Variants in NKAIN2 observed in about 807,000 individuals in gnomAD.
The protein encoded by NKAIN2 is sodium/potassium transporting ATPase interacting 2, also known as sodium/potassium-transporting ATPase subunit beta-1-interacting protein 2.
NKAIN2 carries 14 observed loss-of-function variants against 32.6 expected under a neutral mutation model. The ratio of observed to expected loss-of-function variants is 0.43; its 90% CI spans 0.28 to 0.67. NKAIN2 has a LOEUF of 0.67. NKAIN2 is among the 30% of genes least tolerant of loss of function. The pLI, the probability that NKAIN2 is intolerant of heterozygous loss-of-function variation, is 0.17. For synonymous variants in NKAIN2, 80 were observed against 87.2 expected, an observed-to-expected ratio of 0.92 and a Z score of 0.46; for missense variants, 198 against 258.3, an observed-to-expected ratio of 0.77 and a Z score of 1.60.
chr6:124,544,344 C>T (rs1371977467), intron 3 of NKAIN2, among the ~76,000 whole-genome samples: 2 of 132,128 alleles, frequency 1.5e-5, no homozygotes, highest in Non-Finnish European at 3.4e-5. Context: ...ACCACAGAAG[C>T]CTCAGAACTC....
chr6:124,321,042 C>T (rs1390889086), intron 2 of NKAIN2, among the ~76,000 whole-genome samples: 1 of 152,162 alleles, frequency 6.6e-6, no homozygotes, highest in African/African-American at 2.4e-5. Flanking sequence ...GCACCTACCA[C>T]AGGACCTAAC....
At chr6:124,215,663 ATAAGAG>A (rs1358992368) in intron 1 of NKAIN2, among the ~76,000 whole-genome samples, 3 of 152,300 alleles carry the variant, frequency 2.0e-5, no homozygotes, top group South Asian at 4.1e-4. Flanking sequence ...CCTAACTGTC[ATAAGAG>A]TAAGAGTGTG....
At chr6:124,701,844 C>T (rs1400294526) in intron 4 of NKAIN2, among the ~76,000 whole-genome samples, 4 of 152,024 alleles carry the variant, frequency 2.6e-5, no homozygotes, top group Non-Finnish European at 5.9e-5. Flanking sequence ...AAGATTATTG[C>T]ATGGCCTAAT....
chr6:124,793,829 A>G (rs763970257), intron 5 of NKAIN2, among the ~76,000 whole-genome samples: 1 of 152,134 alleles, frequency 6.6e-6, no homozygotes, highest in Admixed American at 6.5e-5. Context: ...TTTTAATCAC[A>G]TTACCTTGAG....
At chr6:123,936,990 T>C (rs1012063242) in intron 1 of NKAIN2, among the ~76,000 whole-genome samples, 61 of 152,090 alleles carry the variant, frequency 4.0e-4, no homozygotes, top group African/African-American at 1.5e-3. Context: ...TGTTAAGTTC[T>C]AGAGAAAAAA....
chr6:124,017,549 TG>T (rs1189630643), intron 1 of NKAIN2, among the ~76,000 whole-genome samples: 2 of 152,048 alleles, frequency 1.3e-5, no homozygotes, highest in Non-Finnish European at 2.9e-5. Context: ...CTAGATACAA[TG>T]GGGGTATAGG....
chr6:124,091,241 G>T (rs1194807406), intron 1 of NKAIN2, among the ~76,000 whole-genome samples: 2 of 151,780 alleles, frequency 1.3e-5, no homozygotes, highest in Admixed American at 1.3e-4. Flanking sequence ...CCAGACCAAA[G>T]AACTAACCTA....
At chr6:124,499,127 A>G (rs1031136387) in intron 3 of NKAIN2, among the ~76,000 whole-genome samples, 4 of 152,150 alleles carry the variant, frequency 2.6e-5, no homozygotes, top group African/African-American at 9.7e-5. Context: ...CTTCATGTAA[A>G]AAGGGATTGG....
At chr6:124,660,987 A>T (rs553786451) in intron 4 of NKAIN2, among the ~76,000 whole-genome samples, 55 of 152,292 alleles carry the variant, frequency 3.6e-4, no homozygotes, top group Admixed American at 1.4e-3. Context: ...CTTTTGTGTT[A>T]CCCAGATCAT....
chr6:123,872,934 C>T (rs886878542), intron 1 of NKAIN2, among the ~76,000 whole-genome samples: 5 of 152,112 alleles, frequency 3.3e-5, no homozygotes, highest in Non-Finnish European at 7.3e-5. Flanking sequence ...TGGTATCACA[C>T]ACGTTTTAAG....
intron 1 of NKAIN2, among the ~76,000 whole-genome samples, chr6:124,181,050 C>A (rs1789423232): frequency 6.6e-6 from 1 of 152,184 alleles, no homozygotes; most frequent in South Asian, 2.1e-4. Context: ...GACATCCAAG[C>A]ATTTCCATAC....
chr6:124,774,263 C>T lies in NKAIN2; in HGVS notation c.475-17076C>T, dbSNP rs570501166. Among the ~76,000 whole-genome samples, 116 of 152,160 alleles carry T rather than the reference C, an allele frequency of 7.6e-4. 1 individual carries two copies. Among genetic ancestry groups the T allele is most frequent in the African/African-American group, 2.3e-3 (95 of 41,504 alleles). On this transcript the variant is annotated intron_variant, in intron 4 of 6. Coordinates refer to ENST00000368417, the MANE Select transcript of NKAIN2 (RefSeq NM_001040214.3). Reference sequence around the variant, plus strand: ...AGACAGCAGTGTAGATGGTTAAAAACGGTCAGATTCTGAGTATACCTTGAA... The same window carrying T: ...AGACAGCAGTGTAGATGGTTAAAAATGGTCAGATTCTGAGTATACCTTGAA...
In NKAIN2 at chr6:123,912,609, G is replaced by A. The variant is rs987273764; in HGVS notation, c.54+108355G>A. On this transcript the variant is annotated intron_variant, in intron 1 of 6. Transcript: ENST00000368417. ...TCAATACAGTATCATTTGCAAATCA[G>A]AAAAAGAATCTGGCACCTCCTCCTC... Among the ~76,000 whole-genome samples the A allele has an allele frequency of 9.9e-5, 15 of 152,196 alleles. No individual in the cohort carries two copies. In the South Asian group the frequency reaches 1.7e-3, roughly 17 times the overall value.
At chr6:124,771,302 T>C (rs1349066995) in intron 4 of NKAIN2, among the ~76,000 whole-genome samples, 1 of 152,204 alleles carries the variant, frequency 6.6e-6, no homozygotes, top group Non-Finnish European at 1.5e-5. Context: ...TTTTGCATAA[T>C]ATATGAAATG....
intron 3 of NKAIN2, among the ~76,000 whole-genome samples, chr6:124,633,738 G>A (rs913632253): frequency 2.0e-5 from 3 of 152,228 alleles, no homozygotes; most frequent in Admixed American, 2.0e-4. Context: ...TAAAATCTTT[G>A]GAGCCCAGTA....
intron 3 of NKAIN2, among the ~76,000 whole-genome samples, chr6:124,591,847 T>G (rs1309530411): frequency 1.3e-5 from 2 of 152,034 alleles, no homozygotes; most frequent in Non-Finnish European, 2.9e-5. Context: ...GACAGAGACA[T>G]GAACAGGAAG....
At position 124,362,670 on chromosome 6, in the gene NKAIN2, G is replaced by A. The variant is rs553130264; in HGVS notation, c.273+7323G>A. ...GTGTCACATCTCCAACTTCCTGCTGGTGTCAGGTCAATTCTATTGTCACCT... is the reference window on the plus strand; with the variant it reads ...GTGTCACATCTCCAACTTCCTGCTGATGTCAGGTCAATTCTATTGTCACCT... On this transcript the variant is annotated intron_variant, in intron 3 of 6. Transcript: ENST00000368417. Among the ~76,000 whole-genome samples, 6 of 152,000 alleles carry A rather than the reference G, an allele frequency of 3.9e-5. No individual in the cohort carries two copies. In the South Asian group the frequency reaches 1.0e-3, roughly 26 times the overall value.
intron 4 of NKAIN2, among the ~76,000 whole-genome samples, chr6:124,739,400 T>C (rs1777098933): frequency 1.3e-5 from 2 of 151,858 alleles, no homozygotes; most frequent in Non-Finnish European, 2.9e-5. Context: ...TCTGTGTGTG[T>C]GTGTGTTTGT....
At chr6:124,244,964 A>T (rs1793316834) in intron 1 of NKAIN2, among the ~76,000 whole-genome samples, 1 of 152,118 alleles carries the variant, frequency 6.6e-6, no homozygotes, top group South Asian at 2.1e-4. Flanking sequence ...TTTTTAATCC[A>T]CAACTCAGCC....
Sources: gnomAD v4.1 joint callset for allele counts (sites outside exome capture counted in the v4.1 genomes callset) on GRCh38, gnomAD v4.1.1 for gene constraint, MANE v1.5 for transcripts, NCBI Gene and HGNC (gene_info 2026-07-23, HGNC 2026-07-21) for gene names.